The following TCOF1 variants were observed in gnomAD, a reference collection of about 807,000 sequenced individuals.
TCOF1 encodes the protein treacle ribosome biogenesis factor 1, also known as treacle protein.
TCOF1 carries 33 observed loss-of-function variants against 149.0 expected under a neutral mutation model. The observed-to-expected ratio is 0.22, with a 90% CI of 0.17 to 0.30. The LOEUF (loss-of-function observed/expected upper bound fraction) is 0.30. Ranked by LOEUF, TCOF1 falls within the 10% of genes least tolerant of loss-of-function variation. The pLI, the probability that TCOF1 is intolerant of heterozygous loss-of-function variation, is 1.00. For synonymous variants in TCOF1, 789 were observed against 738.8 expected, an observed-to-expected ratio of 1.07 and a Z score of -1.10; for missense variants, 1,728 against 1,840.7, an observed-to-expected ratio of 0.94 and a Z score of 1.12.
In TCOF1 at chr5:150,399,894, C is replaced by G. The variant is rs1769426355; in HGVS notation, c.*107C>G. 6.6e-6 allele frequency: 1 copy of G among 152,274 alleles called. No individual in the cohort carries two copies. Among genetic ancestry groups the G allele is most frequent in the African/African-American group, 2.4e-5 (1 of 41,430 alleles). The allele number at this position is 152,274 out of a possible 1,614,324, so 9.4% of individuals were successfully genotyped here. A position where few individuals can be genotyped will look rare whatever the true frequency, so the allele number is the denominator to read the frequency against. Reference sequence around the variant, plus strand: ...ACCATGGGTTGGAACTAAACTGTTACCTTCCCTCGCTCCACAGAAGAAGAC... The same window carrying G: ...ACCATGGGTTGGAACTAAACTGTTAGCTTCCCTCGCTCCACAGAAGAAGAC... On this transcript the variant is annotated 3_prime_UTR_variant, in exon 27 of 27. Transcript: ENST00000643257.
chr5:150,368,534 A>G, intron 4 of TCOF1, 182 bp from the exon 5 acceptor site: 1 of 642,296 alleles, frequency 1.6e-6, no homozygotes. Flanking sequence ...TTTTCTCAAC[A>G]CCTCTGGTGA....
chr5:150,375,297 C>T (rs866386179), intron 10 of TCOF1, 42 bp from the exon 11 acceptor site: 14 of 1,606,590 alleles, frequency 8.7e-6, no homozygotes, highest in Non-Finnish European at 1.2e-5. Context: ...TCACATTCTC[C>T]TTCTGGACTC....
chr5:150,360,753 TA>T (rs1218127609), intron 1 of TCOF1, among the ~76,000 whole-genome samples: 1 of 149,248 alleles, frequency 6.7e-6, no homozygotes, highest in African/African-American at 2.5e-5. Flanking sequence ...TTTTTTTTTT[TA>T]AAGAAAGGGT....
intron 19 of TCOF1, among the ~76,000 whole-genome samples, chr5:150,390,659 G>A (rs1164155608): frequency 6.6e-6 from 1 of 151,122 alleles, no homozygotes; most frequent in Non-Finnish European, 1.5e-5. Flanking sequence ...TGAGGGGTGG[G>A]CTAAGGGGGT....
intron 17 of TCOF1, chr5:150,384,111 C>T: frequency 2.5e-6 from 3 of 1,191,472 alleles, no homozygotes; most frequent in East Asian, 4.1e-5. Context: ...CATGAACCAC[C>T]TCCCCTTGAA....
In TCOF1 at chr5:150,374,827, G is replaced by A. The variant is rs1379041672; in HGVS notation, c.1278+16G>A. 6.2e-7 allele frequency: 1 copy of A among 1,605,722 alleles called. No individual in the cohort carries two copies. Among genetic ancestry groups the A allele is most frequent in the South Asian group, 1.1e-5 (1 of 90,496 alleles). On this transcript the variant is annotated intron_variant, in intron 9 of 26. Coordinates refer to ENST00000643257, the MANE Select transcript of TCOF1 (RefSeq NM_001371623.1). ...GCCTGCTCAGGTGAGGCAGAGGGGA[G>A]GGGTGGAGAGTAGCCCCATGCCTAA...
At chr5:150,388,309 G>A (rs1387303874) in intron 18 of TCOF1, among the ~76,000 whole-genome samples, 1 of 152,222 alleles carries the variant, frequency 6.6e-6, no homozygotes, top group Non-Finnish European at 1.5e-5. Flanking sequence ...GGCAGCCCCA[G>A]TCATGGAGCC....
intron 17 of TCOF1, among the ~76,000 whole-genome samples, chr5:150,383,325 A>G (rs1012299809): frequency 8.5e-5 from 13 of 152,270 alleles, no homozygotes; most frequent in Non-Finnish European, 8.8e-5. Context: ...TGTGACATTC[A>G]TCTGAGCCCT....
At position 150,396,272 on chromosome 5, in the gene TCOF1, C is replaced by A. The variant is rs756317583; in HGVS notation, c.3785-10C>A. ...TCCCAGATCTGTGACCCCACATTCT[C>A]TCTCCATAGGTGGAAAAGAGGCTGC... On this transcript the variant is annotated splice_polypyrimidine_tract_variant and intron_variant, in intron 23 of 26. Coordinates refer to ENST00000643257, the MANE Select transcript of TCOF1 (RefSeq NM_001371623.1). The A allele has an allele frequency of 1.2e-6, 2 of 1,613,900 alleles. No individual in the cohort carries two copies. The highest frequency in any genetic ancestry group is 1.3e-5 in the African/African-American group (1 of 74,930).
chr5:150,367,415 C>T (rs1400540909), intron 3 of TCOF1, among the ~76,000 whole-genome samples: 1 of 152,244 alleles, frequency 6.6e-6, no homozygotes, highest in Admixed American at 6.5e-5. Context: ...AGGCAACTTT[C>T]TCTGTGGACC....
At position 150,396,679 on chromosome 5, in the gene TCOF1, C is replaced by T. The variant is rs200273817; in HGVS notation, c.4182C>T (p.Asp1394=). Residue 1394 remains aspartate (D), a synonymous_variant, in exon 24 of 27, where the codon GAC becomes GAT. Transcript: ENST00000643257. ...STTSKGKAKR[D]KASGDVKEKK... ...CTTCCAAGGGGAAAGCAAAGAGAGA[C>T]AAAGCAAGTGGTGATGTCAAGGAGA... 3.3e-5 allele frequency: 53 copies of T among 1,612,382 alleles called. No individual in the cohort carries two copies. The East Asian group carries it at 1.0e-3, about 31-fold the overall frequency.
In TCOF1 at chr5:150,379,643, G is replaced by A. The variant is rs754347205; in HGVS notation, c.2770G>A (p.Ala924Thr). The change falls in exon 17 of 27, where the codon GCC becomes ACC. Residue 924 changes from alanine to threonine, a missense_variant. Physicochemically the swap from Ala to Thr is moderately conservative, Grantham distance 58. Transcript: ENST00000643257. ...TPPGKTGPSAAQAGKQDDSGS... is the reference protein window; with the variant it reads ...TPPGKTGPSATQAGKQDDSGS... ...TCCTGGGAAGACAGGGCCTTCGGCT[G>A]CCCAGGCAGGGAAGCAGGATGACTC... 6.2e-7 allele frequency: 1 copy of A among 1,614,188 alleles called. No individual in the cohort carries two copies. Among genetic ancestry groups the A allele is most frequent in the South Asian group, 1.1e-5 (1 of 91,088 alleles).
intron 22 of TCOF1, chr5:150,393,017 T>C: frequency 4.9e-6 from 3 of 613,788 alleles, no homozygotes; most frequent in Non-Finnish European, 8.6e-6. Context: ...TTGGGGTCTG[T>C]AGAAGGGATT....
At position 150,375,883 on chromosome 5, in the gene TCOF1, G is replaced by C; in HGVS notation, c.1867G>C (p.Ala623Pro). ...ATCGGACAGTGCGGACAGTGAGGAG[G>C]CACCAGCAGCCATGACTGCAGCTCA... is the stretch of plus-strand genomic sequence containing the variant. ...ESSDSADSEE[A>P]PAAMTAAQAK... The change falls in exon 12 of 27, where the codon GCA becomes CCA. Residue 623 changes from alanine to proline, a missense_variant. By Grantham distance (27) the Ala-to-Pro change is conservative (BLOSUM62 -1). Around this residue, in one of 2 missense-constraint regions of TCOF1, gnomAD observed 1,696 missense variants for 1,765.4 expected, o/e 0.96. Transcript: ENST00000643257. 6.2e-7 allele frequency: 1 copy of C among 1,614,198 alleles called. No homozygotes were observed. The highest frequency in any genetic ancestry group is 1.7e-5 in the Admixed American group (1 of 60,036).
Position 150,375,525 on chromosome 5 carries a change from G to A in TCOF1, c.1675G>A (p.Glu559Lys), listed in dbSNP as rs972782286. 6.2e-7 allele frequency: 1 copy of A among 1,614,172 alleles called. No homozygotes were observed. Among genetic ancestry groups the A allele is most frequent in the Non-Finnish European group, 8.5e-7 (1 of 1,180,006 alleles). The change falls in exon 11 of 27, where the codon GAG (glutamate) becomes AAG (lysine). Residue 559 changes from glutamate (E) to lysine (K), a missense_variant. By Grantham distance (56) the Glu-to-Lys change is moderately conservative. This residue lies in a region of TCOF1 where 1,696 missense variants were observed against 1,765.4 expected (regional missense o/e 0.96). Coordinates refer to ENST00000643257, the MANE Select transcript of TCOF1 (RefSeq NM_001371623.1). ...GGAGTCATCAGACAGCAGTGATGGA[G>A]AGGTGCCCACAGCTGTGGCCCCGGC... The part of the protein sequence containing the change: ...SEESSDSSDG[E>K]VPTAVAPAQE...
Position 150,396,739 on chromosome 5 carries a change from C to A in TCOF1, c.4242C>A (p.Ala1414=). The A allele has an allele frequency of 6.2e-7, 1 of 1,612,056 alleles. No homozygotes were observed. The highest frequency in any genetic ancestry group is 8.5e-7 in the Non-Finnish European group (1 of 1,179,452). Residue 1414 remains alanine, a synonymous_variant, in exon 24 of 27, where the codon GCC becomes GCA. Transcript: ENST00000643257. ...AGGGGTCTCTTGGCTCCCAAGGGGC[C>A]AAGGACGAGCCAGAAGAGGAGCTTC... The part of the protein sequence containing the change: ...KGKGSLGSQG[A]KDEPEEELQK...
chr5:150,380,070 CAAAAAAAAAA>C lies in TCOF1; in HGVS notation c.2859+344_2859+353del, dbSNP rs1224924833. The C allele has an allele frequency of 7.1e-5, 7 of 98,570 alleles. No homozygotes were observed. The East Asian group carries it at 1.4e-3, about 20-fold the overall frequency. 6.1% of individuals were successfully genotyped at this position (98,570 alleles called of 1,614,324 possible). On this transcript the variant is annotated intron_variant, in intron 17 of 26. Transcript: ENST00000643257. ...CTGGGTGATGAGAGTGAGACTGTCT[CAAAAAAAAAA>C]AAAAAGAAAAAAAAGAAAAGTGAAA...
At chr5:150,358,253 C>T (rs1759129927) in intron 1 of TCOF1, among the ~76,000 whole-genome samples, 1 of 152,098 alleles carries the variant, frequency 6.6e-6, no homozygotes, top group Admixed American at 6.5e-5. Context: ...TTGCGACCAG[C>T]CCCTCGGGGG....
intron 1 of TCOF1, 86 bp from the exon 2 acceptor site, chr5:150,361,070 A>T: frequency 6.4e-7 from 1 of 1,565,744 alleles, no homozygotes; most frequent in Non-Finnish European, 8.8e-7. Flanking sequence ...TGTCTATACA[A>T]GTCATGAGTT....
Sources: gnomAD v4.1 joint callset for allele counts (sites outside exome capture counted in the v4.1 genomes callset) on GRCh38, gnomAD v4.1.1 for gene constraint, gnomAD v4.1.1 regional missense constraint, MANE v1.5 for transcripts, NCBI Gene and HGNC (gene_info 2026-07-23, HGNC 2026-07-21) for gene names.